Variants in PDZD7 observed in about 807,000 individuals in gnomAD.
PDZD7 encodes the protein PDZ domain containing 7, also known as PDZ domain-containing protein 7.
In PDZD7, 72 loss-of-function variants were observed where a neutral mutation model predicts 84.7. That is an observed-to-expected ratio of 0.85 (90% CI 0.70 to 1.03). The LOEUF (loss-of-function observed/expected upper bound fraction) is 1.03. Ranked by LOEUF, PDZD7 falls within the 50% of genes least tolerant of loss-of-function variation. PDZD7 has a pLI of 0.00. For missense variants in PDZD7, 1,490 were observed against 1,412.9 expected (o/e 1.05, Z -0.87); for synonymous variants, 594 against 580.7 (o/e 1.02, Z -0.33).
chr10:101,016,508 G>T, intron 9 of PDZD7, 81 bp from the exon 10 acceptor site: 1 of 1,428,716 alleles, frequency 7.0e-7, no homozygotes, highest in Non-Finnish European at 9.6e-7. Context: ...GGACAAGCTG[G>T]AATGGAGAAT....
intron 11 of PDZD7, among the ~76,000 whole-genome samples, chr10:101,013,954 A>G (rs1159012296): frequency 6.7e-6 from 1 of 148,934 alleles, no homozygotes; most frequent in Non-Finnish European, 1.5e-5. Context: ...GGTTCAAGCG[A>G]TTCTCCTGCC....
intron 11 of PDZD7, among the ~76,000 whole-genome samples, chr10:101,014,520 G>T (rs903915824): frequency 2.0e-5 from 3 of 152,128 alleles, no homozygotes; most frequent in African/African-American, 7.2e-5. Flanking sequence ...CCTACTTAGC[G>T]CTGGGAGCTA....
At chr10:101,016,524 C>T in intron 9 of PDZD7, 97 bp from the exon 10 acceptor site, 1 of 1,337,470 alleles carries the variant, frequency 7.5e-7, no homozygotes, top group East Asian at 2.5e-5. Flanking sequence ...AGAATTCAGA[C>T]TGGAAGTAGG....
chr10:101,021,345 T>C (rs1385083492), intron 6 of PDZD7, among the ~76,000 whole-genome samples: 1 of 152,110 alleles, frequency 6.6e-6, no homozygotes, highest in East Asian at 1.9e-4. Flanking sequence ...CTCAGACAAG[T>C]GTGAGACCCA....
chr10:101,029,843 G>A (rs1159826262), intron 2 of PDZD7, 151 bp downstream of exon 2: 1 of 765,494 alleles, frequency 1.3e-6, no homozygotes. Context: ...GAGGAAGAGT[G>A]TATGGGTTCC....
At position 101,023,255 on chromosome 10, in the gene PDZD7, G is replaced by A. The variant is rs1334695044; in HGVS notation, c.542+181C>T. ...GATCTGGGAGAGCAGAGCTATTGGAGGAGGGCAGGGGAAAGATGCAGCCTC... is the reference window on the plus strand; with the variant it reads ...GATCTGGGAGAGCAGAGCTATTGGAAGAGGGCAGGGGAAAGATGCAGCCTC... On this transcript the variant is annotated intron_variant, in intron 4 of 16. Transcript: ENST00000619208. 7.3e-6 allele frequency: 5 copies of A among 685,946 alleles called. No individual in the cohort carries two copies. The African/African-American group carries it at 8.9e-5, about 12-fold the overall frequency. 42.5% of individuals were successfully genotyped at this position (685,946 alleles called of 1,614,324 possible). A position where few individuals can be genotyped will look rare whatever the true frequency, so the allele number is the denominator to read the frequency against.
intron 2 of PDZD7, among the ~76,000 whole-genome samples, chr10:101,028,167 GC>G (rs952610738): frequency 2.0e-5 from 3 of 152,214 alleles, no homozygotes; most frequent in Non-Finnish European, 2.9e-5. Flanking sequence ...CAGAGGAGAA[GC>G]CAAGTGGTCA....
chr10:101,010,534 G>A lies in PDZD7; in HGVS notation c.2355C>T (p.Ser785=). The change falls in exon 15 of 17, where the codon AGC becomes AGT. Residue 785 remains serine, a synonymous_variant. Transcript: ENST00000619208. The part of the protein sequence containing the change: ...RSRSRSRSRS[S]RGQGKSPGRR... ...TACCTGGAGACTTGCCTTGACCCCG[G>A]CTGCTGCGGCTGCGGCTGCGGCTAC... is the stretch of plus-strand genomic sequence containing the variant. The A allele has an allele frequency of 6.6e-7, 1 of 1,512,046 alleles. No individual in the cohort carries two copies. The highest frequency in any genetic ancestry group is 8.8e-7 in the Non-Finnish European group (1 of 1,131,292). The allele number at this position is 1,512,046 out of a possible 1,614,324, so 93.7% of individuals were successfully genotyped here. A position where few individuals can be genotyped will look rare whatever the true frequency, so the allele number is the denominator to read the frequency against.
chr10:101,018,304 C>G lies in PDZD7; in HGVS notation c.1325-8G>C. On this transcript the variant is annotated splice_region_variant and splice_polypyrimidine_tract_variant and intron_variant, in intron 8 of 16. Transcript: ENST00000619208. ...TCCGCTGCTGCTTCTCCTCTGCAGA[C>G]ACGAGGGAGCAACGGGGGAGCTGGA... The G allele has an allele frequency of 6.2e-7, 1 of 1,613,144 alleles. No homozygotes were observed. The highest frequency in any genetic ancestry group is 8.5e-7 in the Non-Finnish European group (1 of 1,179,980).
At position 101,008,559 on chromosome 10, in the gene PDZD7, C is replaced by T; in HGVS notation, c.3010G>A (p.Ala1004Thr). 1 of 1,535,554 alleles carries T rather than the reference C, an allele frequency of 6.5e-7. No individual in the cohort carries two copies. The highest frequency in any genetic ancestry group is 1.2e-5 in the South Asian group (1 of 84,010). Residue 1004 changes from alanine to threonine, a missense_variant, in exon 17 of 17, where the codon GCC becomes ACC. Transcript: ENST00000619208. ...CTGGGAGTTGGCTGGAGGAGCCTGGCATCAGTGGGAGGAGTCTGGGGATTG... is the reference window on the plus strand; with the variant it reads ...CTGGGAGTTGGCTGGAGGAGCCTGGTATCAGTGGGAGGAGTCTGGGGATTG... ...PTNPQTPPTDARLLQPTPSPA... is the reference protein window; with the variant it reads ...PTNPQTPPTDTRLLQPTPSPA...
At chr10:101,017,177 C>A (rs1852666711) in intron 9 of PDZD7, among the ~76,000 whole-genome samples, 1 of 152,152 alleles carries the variant, frequency 6.6e-6, no homozygotes, top group Non-Finnish European at 1.5e-5. Context: ...GGAGAGCCTA[C>A]CCTGGGACTT....
rs193234539 is a variant in PDZD7, at chr10:101,011,546, T to G, written c.2005+144A>C. 5.1e-5 allele frequency: 74 copies of G among 1,445,774 alleles called. No homozygotes were observed. In the Admixed American group the frequency reaches 1.1e-3, roughly 21 times the overall value. The allele number at this position is 1,445,774 out of a possible 1,614,324, so 89.6% of individuals were successfully genotyped here. A position where few individuals can be genotyped will look rare whatever the true frequency, so the allele number is the denominator to read the frequency against. ...AGCAGATGTGATAAAATGGCTCTGG[T>G]GGACAAGAGCTTTCCTTCAGGGAAC... is the stretch of plus-strand genomic sequence containing the variant. On this transcript the variant is annotated intron_variant, in intron 14 of 16. Transcript: ENST00000619208.
In PDZD7 at chr10:101,010,286, A is replaced by G; in HGVS notation, c.2603T>C (p.Met868Thr). ...GELKTVTLSK[M>T]KQSLGISISG... ...CGTGGACTCACCTAAGGACTGCTTC[A>G]TCTTGGACAGTGTCACTGTCTTCAG... Residue 868 changes from methionine (M) to threonine (T), a missense_variant, in exon 15 of 17, where the codon ATG becomes ACG. Coordinates refer to ENST00000619208, the MANE Select transcript of PDZD7 (RefSeq NM_001195263.2). 1 of 1,531,008 alleles carries G rather than the reference A, an allele frequency of 6.5e-7. No individual in the cohort carries two copies. The highest frequency in any genetic ancestry group is 8.8e-7 in the Non-Finnish European group (1 of 1,142,644). 94.8% of individuals were successfully genotyped at this position (1,531,008 alleles called of 1,614,324 possible). A position where few individuals can be genotyped will look rare whatever the true frequency, so the allele number is the denominator to read the frequency against.
chr10:101,008,950 A>G (rs1852304510), intron 16 of PDZD7, 100 bp from the exon 17 acceptor site: 4 of 1,361,234 alleles, frequency 2.9e-6, no homozygotes, highest in Admixed American at 5.7e-5. Context: ...CCATGAGGAC[A>G]CTCCTCCCCC....
Position 101,009,348 on chromosome 10 carries a change from T to C in PDZD7, c.2620A>G (p.Ile874Val), listed in dbSNP as rs1564821757. Residue 874 changes from isoleucine (I) to valine (V), a missense_variant and splice_region_variant, in exon 16 of 17, where the codon ATC (isoleucine) becomes GTC (valine). Ile to Val is a conservative substitution (Grantham distance 29, BLOSUM62 3). Coordinates refer to ENST00000619208, the MANE Select transcript of PDZD7 (RefSeq NM_001195263.2). The part of the protein sequence containing the change: ...TLSKMKQSLG[I>V]SISGGIESKV... ...GACTCAATGCCCCCAGAAATGCTGA[T>C]ACCTAGTGACAGGGAGAAACACCGT... 5 of 1,535,500 alleles carry C rather than the reference T, an allele frequency of 3.3e-6. No individual in the cohort carries two copies. The highest frequency in any genetic ancestry group is 1.4e-5 in the African/African-American group (1 of 73,108).
rs1365413667 is a variant in PDZD7 at position 101,030,182 on chromosome 10, C to T, written c.38G>A (p.Gly13Asp). 9 of 1,613,224 alleles carry T rather than the reference C, an allele frequency of 5.6e-6. No individual in the cohort carries two copies. The highest frequency in any genetic ancestry group is 6.8e-6 in the Non-Finnish European group (8 of 1,179,864). Residue 13 changes from glycine to aspartate, a missense_variant, in exon 2 of 17, where the codon GGC becomes GAC. Transcript: ENST00000619208. Reference sequence around the variant, plus strand: ...AGAGCCGGAGCTCAGGTCTCCTAGGCCCAGTGGGTCGAAGCCCACTGCGAA... The same window carrying T: ...AGAGCCGGAGCTCAGGTCTCCTAGGTCCAGTGGGTCGAAGCCCACTGCGAA... ...QGFAVGFDPL[G>D]LGDLSSGSLS...
chr10:101,029,916 G>A (rs1304932160), intron 2 of PDZD7, 78 bp downstream of exon 2: 8 of 1,437,434 alleles, frequency 5.6e-6, no homozygotes, highest in Non-Finnish European at 7.7e-6. Context: ...TACTGGCTCT[G>A]CCTCCTCCTG....
chr10:101,020,909 C>T (rs1853056896), intron 6 of PDZD7, among the ~76,000 whole-genome samples: 1 of 152,218 alleles, frequency 6.6e-6, no homozygotes, highest in Non-Finnish European at 1.5e-5. Context: ...CAGGGGCCTT[C>T]CTGAATTACT....
At chr10:101,009,769 G>A (rs1278903092) in intron 15 of PDZD7, among the ~76,000 whole-genome samples, 1 of 152,004 alleles carries the variant, frequency 6.6e-6, no homozygotes, top group Non-Finnish European at 1.5e-5. Flanking sequence ...CAACATGTCA[G>A]GCTAATTCTG....
Sources: gnomAD v4.1 joint callset for allele counts (sites outside exome capture counted in the v4.1 genomes callset) on GRCh38, gnomAD v4.1.1 for gene constraint, MANE v1.5 for transcripts, NCBI Gene and HGNC (gene_info 2026-07-23, HGNC 2026-07-21) for gene names.